Variants in OR3A3 observed in about 807,000 individuals in gnomAD.
OR3A3 encodes the protein olfactory receptor 3A3.
For synonymous variants in OR3A3, 103 were observed against 163.9 expected, an observed-to-expected ratio of 0.63 and a Z score of 2.84; for missense variants, 275 against 391.4, an observed-to-expected ratio of 0.70 and a Z score of 2.51.
At chr17:3,423,399 C>T (rs138444461) in exon 3 of OR3A3, 9 of 152,400 alleles carry the variant, frequency 5.9e-5, no homozygotes, top group African/African-American at 2.2e-4. Flanking sequence ...TTGCCACCTC[C>T]TTTCCTGTGT....
At chr17:3,413,828 A>G (rs1405521938) in intron 2 of OR3A3, among the ~76,000 whole-genome samples, 3 of 118,478 alleles carry the variant, frequency 2.5e-5, no homozygotes, top group Admixed American at 7.6e-5. Context: ...CTCAAAAAAA[A>G]ACAAAAAAAC....
intron 2 of OR3A3, among the ~76,000 whole-genome samples, chr17:3,414,322 C>T (rs1177910216): frequency 2.0e-5 from 3 of 152,170 alleles, no homozygotes; most frequent in Non-Finnish European, 4.4e-5. Flanking sequence ...CCGCCCACCT[C>T]GGCCTCCCAC....
intron 1 of OR3A3, among the ~76,000 whole-genome samples, chr17:3,411,768 T>C (rs912343160): frequency 1.3e-5 from 2 of 152,206 alleles, no homozygotes; most frequent in African/African-American, 4.8e-5. Context: ...TTTGAGGACA[T>C]AGGCAAGTCC....
chr17:3,421,414 G>A (rs748093145), exon 3 of OR3A3: 1 of 1,613,102 alleles, frequency 6.2e-7, no homozygotes, highest in Admixed American at 1.7e-5. Flanking sequence ...GGATAAGGGG[G>A]TTGGGGTTTT....
At position 3,420,569 on chromosome 17, in the gene OR3A3, T is replaced by C; in HGVS notation, c.-6-11T>C. On this transcript the variant is annotated splice_polypyrimidine_tract_variant and intron_variant, in intron 2 of 2. Transcript: ENST00000641141. ...AACTGATACCTCCCCTGCTGGGACA[T>C]GTCCTTACAGAAACTCATGGAGCCA... The C allele has an allele frequency of 3.2e-6, 5 of 1,545,900 alleles. No individual in the cohort carries two copies. Among genetic ancestry groups the C allele is most frequent in the South Asian group, 1.3e-5 (1 of 79,248 alleles).
intron 2 of OR3A3, among the ~76,000 whole-genome samples, chr17:3,417,657 A>T (rs1305772767): frequency 6.6e-6 from 1 of 152,122 alleles, no homozygotes; most frequent in Non-Finnish European, 1.5e-5. Flanking sequence ...TTTGAGTTAC[A>T]GTTTGTCTTA....
At chr17:3,418,841 A>G (rs760252132) in intron 2 of OR3A3, among the ~76,000 whole-genome samples, 6 of 152,150 alleles carry the variant, frequency 3.9e-5, no homozygotes, top group Non-Finnish European at 5.9e-5. Context: ...GTCAATAAAG[A>G]CATTGATATT....
Position 3,420,074 on chromosome 17 carries a change from T to C in OR3A3, c.-6-506T>C, listed in dbSNP as rs1349787446. On this transcript the variant is annotated intron_variant, in intron 2 of 2. Transcript: ENST00000641141. ...GAGCCACTGCGCCCGGGGAAAATTC[T>C]ATCTTAATCTCACTATATTCAAAAA... 2.0e-5 allele frequency among the ~76,000 whole-genome samples: 3 copies of C among 152,244 alleles called. No homozygotes were observed. In the East Asian group the frequency reaches 5.8e-4, roughly 29 times the overall value.
intron 2 of OR3A3, among the ~76,000 whole-genome samples, chr17:3,414,600 A>G (rs2072380194): frequency 6.6e-6 from 1 of 152,242 alleles, no homozygotes; most frequent in Non-Finnish European, 1.5e-5. Context: ...TGGAGCAGCA[A>G]TGCGATCAGA....
chr17:3,420,563 G>T lies in OR3A3; in HGVS notation c.-6-17G>T. ...TGAGTGAACTGATACCTCCCCTGCT[G>T]GGACATGTCCTTACAGAAACTCATG... On this transcript the variant is annotated splice_polypyrimidine_tract_variant and intron_variant, in intron 2 of 2. Transcript: ENST00000641141. The T allele has an allele frequency of 6.4e-7, 1 of 1,554,962 alleles. No individual in the cohort carries two copies. The highest frequency in any genetic ancestry group is 8.7e-7 in the Non-Finnish European group (1 of 1,153,698).
chr17:3,419,422 A>G (rs1390642408), intron 2 of OR3A3, among the ~76,000 whole-genome samples: 2 of 152,140 alleles, frequency 1.3e-5, no homozygotes, highest in Non-Finnish European at 2.9e-5. Context: ...GACTTTTTAG[A>G]TTCCACATGT....
At chr17:3,416,694 A>G (rs2150680922) in intron 2 of OR3A3, among the ~76,000 whole-genome samples, 1 of 152,208 alleles carries the variant, frequency 6.6e-6, no homozygotes, top group Non-Finnish European at 1.5e-5. Flanking sequence ...AGAATTTTAT[A>G]ATTTTTATTG....
At chr17:3,416,982 T>C (rs991290492) in intron 2 of OR3A3, among the ~76,000 whole-genome samples, 1 of 152,100 alleles carries the variant, frequency 6.6e-6, no homozygotes, top group East Asian at 1.9e-4. Context: ...CTCCTTCCCC[T>C]CACCCTTCCC....
At chr17:3,414,676 G>A (rs551601605) in intron 2 of OR3A3, among the ~76,000 whole-genome samples, 1 of 152,124 alleles carries the variant, frequency 6.6e-6, no homozygotes, top group Non-Finnish European at 1.5e-5. Flanking sequence ...TCAGAGAAAA[G>A]GCATTTACTG....
At chr17:3,421,376 G>T in exon 3 of OR3A3, 1 of 1,614,212 alleles carries the variant, frequency 6.2e-7, no homozygotes, top group Non-Finnish European at 8.5e-7. Flanking sequence ...AGCTACATGA[G>T]GCTGGGTTCA....
At chr17:3,420,600 T>C (rs2072424811) in exon 3 of OR3A3, 1 of 1,523,316 alleles carries the variant, frequency 6.6e-7, no homozygotes, top group African/African-American at 1.4e-5. Context: ...AGCCAGAAGC[T>C]GGGACCAATA....
At chr17:3,417,230 G>T (rs1249913269) in intron 2 of OR3A3, among the ~76,000 whole-genome samples, 1 of 151,992 alleles carries the variant, frequency 6.6e-6, no homozygotes, top group Admixed American at 6.6e-5. Context: ...AATTCCTTTA[G>T]ATTTTCTTAA....
exon 3 of OR3A3, chr17:3,422,413 T>C (rs1453375239): frequency 1.3e-5 from 2 of 152,196 alleles, no homozygotes; most frequent in African/African-American, 4.8e-5. Flanking sequence ...ACAGTAAGCG[T>C]TTATGTTCCA....
rs1316904045 is a variant in OR3A3, at chr17:3,421,444, A to G, written c.859A>G (p.Met287Val). The G allele has an allele frequency of 6.9e-6, 11 of 1,601,734 alleles. No homozygotes were observed. Among genetic ancestry groups the G allele is most frequent in the Non-Finnish European group, 9.4e-6 (11 of 1,172,730 alleles). ...GGTTTTCATGACTGTGATCAACCCC[A>G]TGCTGAACCCACTTATCTACAGCCT... The change falls in exon 3 of 3, where the codon ATG (methionine) becomes GTG (valine). Residue 287 changes from methionine (M) to valine (V), a missense_variant. By Grantham distance (21) the Met-to-Val change is conservative (BLOSUM62 1). Transcript: ENST00000641141.
Sources: allele counts gnomAD v4.1 joint callset (sites outside exome capture counted in the v4.1 genomes callset), GRCh38; gene constraint gnomAD v4.1.1; transcripts MANE v1.5; gene names NCBI Gene and HGNC (gene_info 2026-07-23, HGNC 2026-07-21).